The following CA6 variants were observed in gnomAD, a reference collection of about 807,000 sequenced individuals.
CA6 encodes the protein carbonate dehydratase VI.
In CA6, 28 loss-of-function variants were observed where a neutral mutation model predicts 35.9. The observed-to-expected ratio is 0.78, with a 90% CI of 0.58 to 1.07. CA6 has a LOEUF of 1.07. CA6 is among the 50% of genes least tolerant of loss of function. CA6 has a pLI of 0.00. For missense variants in CA6, 377 were observed against 382.0 expected, an observed-to-expected ratio of 0.99 and a Z score of 0.11; for synonymous variants, 148 against 152.6, an observed-to-expected ratio of 0.97 and a Z score of 0.22.
intron 7 of CA6, among the ~76,000 whole-genome samples, chr1:8,973,768 C>CT (rs1178814042): frequency 4.5e-5 from 1 of 22,004 alleles, no homozygotes; most frequent in Non-Finnish European, 7.3e-5. Context: ...TTCTTTCTTT[C>CT]TTTCTTTCTT....
Position 8,949,392 on chromosome 1 carries a change from G to C in CA6, c.209G>C (p.Gly70Ala), listed in dbSNP as rs2274329. 0.096 allele frequency: 154,625 copies of C among 1,610,582 alleles called. 8,499 individuals are homozygous for C. Among genetic ancestry groups the C allele is most frequent in the East Asian group, 0.19 (8,514 of 44,806 alleles). Residue 70 changes from glycine to alanine, a missense_variant, in exon 2 of 8, where the codon GGC becomes GCC. Physicochemically the swap from Gly to Ala is moderately conservative, Grantham distance 60 (BLOSUM62 0). Transcript: ENST00000377443. Reference protein sequence around the residue: ...NPSLKGLNMTGYETQAGEFPM... With the variant: ...NPSLKGLNMTAYETQAGEFPM... ...TCCTTGAAGGGGCTCAATATGACAG[G>C]CTATGAGACCCAGGCAGGGGAGTTC...
chr1:8,969,322 C>CA (rs1314959542), intron 6 of CA6, among the ~76,000 whole-genome samples: 1 of 151,852 alleles, frequency 6.6e-6, no homozygotes, highest in Non-Finnish European at 1.5e-5. Context: ...CTCAAAAAAA[C>CA]AAAAACAAAA....
intron 2 of CA6, among the ~76,000 whole-genome samples, chr1:8,956,768 A>G (rs926794846): frequency 1.3e-5 from 2 of 152,218 alleles, no homozygotes; most frequent in African/African-American, 2.4e-5. Context: ...GTAGAATTCT[A>G]GTTTCCAAGC....
chr1:8,973,461 G>A (rs1324772008), intron 7 of CA6, among the ~76,000 whole-genome samples: 3 of 152,180 alleles, frequency 2.0e-5, no homozygotes, highest in Non-Finnish European at 4.4e-5. Context: ...CGTCACTCTA[G>A]CATCTCCTCA....
chr1:8,951,472 A>AG (rs1569663065), intron 2 of CA6: 7 of 765,076 alleles, frequency 9.1e-6, no homozygotes, highest in East Asian at 2.4e-5. Context: ...CTTGTGGAGA[A>AG]GGGGCGAAGC....
At chr1:8,946,004 C>A in intron 1 of CA6, 39 bp downstream of exon 1, 5 of 1,284,838 alleles carry the variant, frequency 3.9e-6, no homozygotes, top group Non-Finnish European at 4.5e-6. Flanking sequence ...CAGTTACCCT[C>A]ACACCCTTAC....
intron 5 of CA6, among the ~76,000 whole-genome samples, chr1:8,967,210 G>A (rs1225652399): frequency 1.3e-5 from 2 of 152,124 alleles, no homozygotes; most frequent in African/African-American, 4.8e-5. Flanking sequence ...CACTTACCCA[G>A]AAGTCTCCAG....
intron 2 of CA6, 86 bp from the exon 3 acceptor site, chr1:8,957,051 G>A: frequency 8.2e-7 from 1 of 1,220,180 alleles, no homozygotes. Flanking sequence ...AGACAGGTGG[G>A]AGGTGAGCAG....
chr1:8,951,291 T>C (rs1639525867), intron 2 of CA6: 1 of 585,576 alleles, frequency 1.7e-6, no homozygotes, highest in Middle Eastern at 3.0e-4. Context: ...AATTGGAGAA[T>C]GAAGCTCTGT....
chr1:8,972,973 G>C (rs1035291472), intron 7 of CA6, among the ~76,000 whole-genome samples: 2 of 152,098 alleles, frequency 1.3e-5, no homozygotes, highest in African/African-American at 4.8e-5. Flanking sequence ...GTCTTTAACA[G>C]GTCCAATTGC....
At chr1:8,948,698 G>A (rs1639435283) in intron 1 of CA6, among the ~76,000 whole-genome samples, 1 of 152,060 alleles carries the variant, frequency 6.6e-6, no homozygotes, top group South Asian at 2.1e-4. Flanking sequence ...GGCCGGGCAC[G>A]GTGGCTCACG....
chr1:8,959,446 C>G (rs1193091323), intron 4 of CA6, among the ~76,000 whole-genome samples: 2 of 151,598 alleles, frequency 1.3e-5, no homozygotes, highest in East Asian at 3.9e-4. Flanking sequence ...TCCCAAGTAG[C>G]TGGGATTACA....
At chr1:8,973,757 TTTC>T (rs1640181514) in intron 7 of CA6, among the ~76,000 whole-genome samples, 2 of 21,936 alleles carry the variant, frequency 9.1e-5, no homozygotes, top group East Asian at 0.015. Context: ...TCTTTCTTTC[TTTC>T]TTTCTTTCTT....
At chr1:8,955,804 C>T (rs1328121843) in intron 2 of CA6, among the ~76,000 whole-genome samples, 1 of 152,216 alleles carries the variant, frequency 6.6e-6, no homozygotes, top group Non-Finnish European at 1.5e-5. Flanking sequence ...TGAATTTAAT[C>T]ATAGCTCCCC....
At chr1:8,965,640 T>C (rs1163788738) in intron 5 of CA6, among the ~76,000 whole-genome samples, 3 of 151,926 alleles carry the variant, frequency 2.0e-5, no homozygotes, top group South Asian at 2.1e-4. Flanking sequence ...GTAATTCCAG[T>C]ACTTTGGGAG....
chr1:8,960,233 A>T (rs937119464), intron 4 of CA6, among the ~76,000 whole-genome samples: 2 of 151,332 alleles, frequency 1.3e-5, no homozygotes, highest in Non-Finnish European at 3.0e-5. Flanking sequence ...TCCGTCTCAA[A>T]AAAAAAAAAA....
rs757686926 is a variant in CA6 at position 8,967,746 on chromosome 1, C to T, written c.659C>T (p.Thr220Ile). Reference sequence around the variant, plus strand: ...TACTACACCTACCATGGCTCACTCACCACGCCTCCCTGCACTGAGAACGTC... The same window carrying T: ...TACTACACCTACCATGGCTCACTCATCACGCCTCCCTGCACTGAGAACGTC... The part of the protein sequence containing the change: ...QHYYTYHGSL[T>I]TPPCTENVHW... Residue 220 changes from threonine to isoleucine, a missense_variant, in exon 6 of 8, where the codon ACC becomes ATC. Thr to Ile is a moderately conservative substitution (Grantham distance 89). Transcript: ENST00000377443. 1.2e-6 allele frequency: 2 copies of T among 1,614,112 alleles called. No homozygotes were observed. Among genetic ancestry groups the T allele is most frequent in the East Asian group, 2.2e-5 (1 of 44,886 alleles).
Position 8,962,658 on chromosome 1 carries a change from T to A in CA6, c.571+2T>A. The A allele has an allele frequency of 5.6e-6, 9 of 1,612,760 alleles. No homozygotes were observed. Among genetic ancestry groups the A allele is most frequent in the Non-Finnish European group, 7.6e-6 (9 of 1,178,866 alleles). On this transcript the variant is annotated splice_donor_variant, in intron 5 of 7. Coordinates refer to ENST00000377443, the MANE Select transcript of CA6 (RefSeq NM_001215.4). LOFTEE classifies it high-confidence loss of function. ...ATCTGGCCAACATCAAGTACCCAGG[T>A]AAGGGAAGCCAACTGTGGCTGCAGG... is the stretch of plus-strand genomic sequence containing the variant.
chr1:8,971,508 G>A (rs1215660826), intron 7 of CA6, among the ~76,000 whole-genome samples: 1 of 151,344 alleles, frequency 6.6e-6, no homozygotes, highest in African/African-American at 2.4e-5. Flanking sequence ...ATGGGGCTTT[G>A]CCATATTGGC....
Sources: gnomAD v4.1 joint callset for allele counts (sites outside exome capture counted in the v4.1 genomes callset) on GRCh38, gnomAD v4.1.1 for gene constraint, MANE v1.5 for transcripts, NCBI Gene and HGNC (gene_info 2026-07-23, HGNC 2026-07-21) for gene names.